The following PCNX1 variants were observed in gnomAD, a reference collection of about 807,000 sequenced individuals.
The protein encoded by PCNX1 is pecanex-like protein 1.
PCNX1 carries 78 observed loss-of-function variants against 242.2 expected under a neutral mutation model. The observed-to-expected ratio is 0.32, with a 90% CI of 0.27 to 0.39. The LOEUF is 0.39. PCNX1 is among the 10% of genes least tolerant of loss of function. The pLI is 1.00. For synonymous variants in PCNX1, 1,024 were observed against 1,032.9 expected, an observed-to-expected ratio of 0.99 and a Z score of 0.17; for missense variants, 2,581 against 2,856.5, an observed-to-expected ratio of 0.90 and a Z score of 2.20.
intron 2 of PCNX1, among the ~76,000 whole-genome samples, chr14:70,951,024 T>C (rs144808709): frequency 2.0e-5 from 3 of 152,212 alleles, no homozygotes; most frequent in African/African-American, 7.2e-5. Flanking sequence ...ATACAATAAA[T>C]TAAGATCTTT....
intron 7 of PCNX1, among the ~76,000 whole-genome samples, chr14:70,992,500 A>G (rs2059195823): frequency 6.6e-6 from 1 of 152,190 alleles, no homozygotes; most frequent in Non-Finnish European, 1.5e-5. Context: ...GAATAATGTA[A>G]TCATACTCTT....
intron 1 of PCNX1, among the ~76,000 whole-genome samples, chr14:70,945,463 CAA>C (rs2057419322): frequency 6.6e-6 from 1 of 152,016 alleles, no homozygotes; most frequent in African/African-American, 2.4e-5. Context: ...TTAAAAATAA[CAA>C]ATATTTAATA....
At chr14:71,007,592 G>A (rs1163233606) in intron 8 of PCNX1, among the ~76,000 whole-genome samples, 1 of 152,060 alleles carries the variant, frequency 6.6e-6, no homozygotes, top group Non-Finnish European at 1.5e-5. Context: ...GTTAATCCAT[G>A]ATTTAGTCAT....
intron 7 of PCNX1, among the ~76,000 whole-genome samples, chr14:70,992,097 G>A (rs1044693141): frequency 8.6e-5 from 13 of 151,906 alleles, no homozygotes; most frequent in Non-Finnish European, 1.3e-4. Context: ...CTTTATAGGT[G>A]GGTTTTGTTG....
At chr14:71,019,692 G>A (rs376213077) in intron 12 of PCNX1, among the ~76,000 whole-genome samples, 2 of 151,858 alleles carry the variant, frequency 1.3e-5, no homozygotes, top group South Asian at 2.1e-4. Flanking sequence ...GAGCCACTGC[G>A]CCTGGCCTAA....
intron 5 of PCNX1, among the ~76,000 whole-genome samples, chr14:70,969,478 A>C (rs1235149873): frequency 6.6e-6 from 1 of 152,218 alleles, no homozygotes; most frequent in Non-Finnish European, 1.5e-5. Context: ...CGATCTCTAA[A>C]TGCCAGCTGC....
At chr14:70,947,488 G>A (rs917251198) in intron 2 of PCNX1, among the ~76,000 whole-genome samples, 2 of 152,076 alleles carry the variant, frequency 1.3e-5, no homozygotes, top group Non-Finnish European at 2.9e-5. Context: ...AATTTCTTAC[G>A]CCTGTCTTTA....
chr14:71,015,925 G>A lies in PCNX1; in HGVS notation c.2996+2723G>A, dbSNP rs528714490. ...TATAAAAACAGAAGACAGTGTGGTG[G>A]CTCATGCCTGTGATCTCAGCACTTT... is the stretch of plus-strand genomic sequence containing the variant. On this transcript the variant is annotated intron_variant, in intron 11 of 35. Coordinates refer to ENST00000304743, the MANE Select transcript of PCNX1 (RefSeq NM_014982.3). 4.5e-4 allele frequency among the ~76,000 whole-genome samples: 69 copies of A among 152,260 alleles called. 1 individual carries two copies. Among genetic ancestry groups the A allele is most frequent in the African/African-American group, 1.6e-3 (66 of 41,568 alleles).
chr14:70,953,755 T>C (rs986401057), intron 2 of PCNX1, among the ~76,000 whole-genome samples: 5 of 151,010 alleles, frequency 3.3e-5, no homozygotes, highest in African/African-American at 1.2e-4. Context: ...CTGCAACCTC[T>C]GCCTCCTGGA....
intron 2 of PCNX1, among the ~76,000 whole-genome samples, chr14:70,949,391 ATG>A (rs200851585): frequency 0.023 from 1,905 of 84,072 alleles, 27 homozygotes; most frequent in East Asian, 0.079. Context: ...GTATATACAT[ATG>A]TGTGTGTGTG....
At position 71,057,863 on chromosome 14, in the gene PCNX1, G is replaced by T. The variant is rs1003799129; in HGVS notation, c.4852+139G>T. ...AATGAGAAAAGTTGTTAAAGAGTAA[G>T]TATTAGATTTTTTCACCCCACATTC... On this transcript the variant is annotated intron_variant, in intron 26 of 35. Coordinates refer to ENST00000304743, the MANE Select transcript of PCNX1 (RefSeq NM_014982.3). 29 of 669,000 alleles carry T rather than the reference G, an allele frequency of 4.3e-5. No homozygotes were observed. The African/African-American group carries it at 4.7e-4, about 11-fold the overall frequency. 41.4% of individuals were successfully genotyped at this position (669,000 alleles called of 1,614,324 possible). A position where few individuals can be genotyped will look rare whatever the true frequency, so the allele number is the denominator to read the frequency against.
chr14:71,031,398 T>C (rs17766986), intron 16 of PCNX1, among the ~76,000 whole-genome samples: 3,791 of 152,180 alleles, frequency 0.025, 58 homozygotes, highest in African/African-American at 0.041. Context: ...CCCAGCAAGG[T>C]GCCCAGTGCA....
At chr14:71,024,225 T>C (rs1400533463) in intron 13 of PCNX1, among the ~76,000 whole-genome samples, 6 of 152,160 alleles carry the variant, frequency 3.9e-5, no homozygotes, top group Non-Finnish European at 5.9e-5. Context: ...AACAAAGATA[T>C]TCCTTTATGT....
chr14:71,068,257 G>C (rs941497746), intron 26 of PCNX1, among the ~76,000 whole-genome samples: 1 of 151,950 alleles, frequency 6.6e-6, no homozygotes, highest in Non-Finnish European at 1.5e-5. Flanking sequence ...CTTGAACCCA[G>C]GAGGTGGAGG....
At chr14:71,027,044 G>A in intron 15 of PCNX1, 162 bp downstream of exon 15, 4 of 464,582 alleles carry the variant, frequency 8.6e-6, no homozygotes, top group East Asian at 3.6e-5. Flanking sequence ...ATTAATTTGT[G>A]GATAGGAAAA....
chr14:71,082,211 T>C (rs1002170213), intron 28 of PCNX1, among the ~76,000 whole-genome samples: 2 of 152,246 alleles, frequency 1.3e-5, no homozygotes, highest in African/African-American at 4.8e-5. Flanking sequence ...GATTGCACTG[T>C]GGTCTGAGAG....
chr14:71,113,867 GTA>G lies in PCNX1; in HGVS notation c.*3934_*3935del, dbSNP rs2141949497. ...CCTTTTCTGGGGTGTGTGTGTGTGT[GTA>G]TGTTTGTTTTTTAAGTCGTCATTAT... On this transcript the variant is annotated 3_prime_UTR_variant, in exon 36 of 36. Coordinates refer to ENST00000304743, the MANE Select transcript of PCNX1 (RefSeq NM_014982.3). The G allele has an allele frequency of 6.6e-6, 1 of 152,214 alleles. No individual in the cohort carries two copies. The highest frequency in any genetic ancestry group is 1.9e-4 in the East Asian group (1 of 5,190). 9.4% of individuals were successfully genotyped at this position (152,214 alleles called of 1,614,324 possible).
chr14:70,934,066 C>T (rs1262726884), intron 1 of PCNX1, among the ~76,000 whole-genome samples: 3 of 152,170 alleles, frequency 2.0e-5, no homozygotes, highest in Non-Finnish European at 2.9e-5. Flanking sequence ...GCATTTTTAC[C>T]TTGCAAAGTG....
chr14:70,911,920 A>G (rs1042879951), intron 1 of PCNX1, among the ~76,000 whole-genome samples: 1 of 152,088 alleles, frequency 6.6e-6, no homozygotes. Flanking sequence ...TTCCTCTGTA[A>G]AGCAATATAT....
Sources: gnomAD v4.1 joint callset for allele counts (sites outside exome capture counted in the v4.1 genomes callset) on GRCh38, gnomAD v4.1.1 for gene constraint, MANE v1.5 for transcripts, NCBI Gene and HGNC (gene_info 2026-07-23, HGNC 2026-07-21) for gene names.